The following SUSD5 variants were observed in gnomAD, a reference collection of about 807,000 sequenced individuals.
SUSD5 encodes the protein sushi domain containing 5.
A neutral mutation model predicts 29.5 loss-of-function variants in SUSD5; 33 were observed. The observed-to-expected ratio is 1.12, with a 90% confidence interval of 0.85 to 1.49. The LOEUF is 1.49. SUSD5 is among the 40% of genes most tolerant of loss of function. SUSD5 has a pLI of 0.00. For missense variants in SUSD5, 776 were observed against 800.6 expected, an observed-to-expected ratio of 0.97 and a Z score of 0.37; for synonymous variants, 308 against 325.3, an observed-to-expected ratio of 0.95 and a Z score of 0.57.
chr3:33,159,549 A>T (rs6806388), intron 4 of SUSD5, among the ~76,000 whole-genome samples: 48,167 of 151,994 alleles, frequency 0.32, 8,950 homozygotes, highest in East Asian at 0.5. Flanking sequence ...CCAGACCACT[A>T]GAATATGTAC....
At chr3:33,154,448 G>A (rs909810900) in intron 4 of SUSD5, among the ~76,000 whole-genome samples, 3 of 152,128 alleles carry the variant, frequency 2.0e-5, no homozygotes. Context: ...GCTTGAACCC[G>A]GAAGGCGGAC....
At position 33,152,035 on chromosome 3, in the gene SUSD5, A is replaced by T. The variant is rs2030909413; in HGVS notation, c.*707T>A. ...CATATTCCTCTCCCAATAATTCAAT[A>T]TCCATGTCCTAGATAATACTGCTCT... On this transcript the variant is annotated 3_prime_UTR_variant, in exon 5 of 5. Coordinates refer to ENST00000309558, the MANE Select transcript of SUSD5 (RefSeq NM_015551.2). 1 of 152,220 alleles carries T rather than the reference A, an allele frequency of 6.6e-6. No individual in the cohort carries two copies. Among genetic ancestry groups the T allele is most frequent in the Admixed American group, 6.5e-5 (1 of 15,282 alleles). The allele number at this position is 152,220 out of a possible 1,614,324, so 9.4% of individuals were successfully genotyped here.
intron 2 of SUSD5, among the ~76,000 whole-genome samples, chr3:33,208,999 T>C (rs1228049215): frequency 6.6e-6 from 1 of 152,244 alleles, no homozygotes; most frequent in African/African-American, 2.4e-5. Flanking sequence ...AAGTGCAGAC[T>C]GGATGTAATG....
At chr3:33,210,059 C>T (rs1295892717) in intron 2 of SUSD5, among the ~76,000 whole-genome samples, 1 of 152,170 alleles carries the variant, frequency 6.6e-6, no homozygotes, top group African/African-American at 2.4e-5. Context: ...ATTCTACTTG[C>T]CTTGTCTCCT....
chr3:33,170,098 T>G (rs1028217056), intron 4 of SUSD5, among the ~76,000 whole-genome samples: 2 of 152,070 alleles, frequency 1.3e-5, no homozygotes, highest in South Asian at 4.2e-4. Flanking sequence ...TTTGTATTTT[T>G]AGTAGAGATG....
intron 3 of SUSD5, among the ~76,000 whole-genome samples, chr3:33,187,166 A>G (rs1053541069): frequency 3.9e-5 from 6 of 152,324 alleles, no homozygotes; most frequent in Admixed American, 3.9e-4. Context: ...AGCAAACACT[A>G]TGAAAGGACT....
intron 4 of SUSD5, among the ~76,000 whole-genome samples, chr3:33,160,765 A>G (rs1229629380): frequency 6.6e-6 from 1 of 151,592 alleles, no homozygotes; most frequent in Non-Finnish European, 1.5e-5. Flanking sequence ...GAAACTTCAA[A>G]GAACAGAGCA....
At chr3:33,200,093 T>A (rs1027546748) in intron 3 of SUSD5, among the ~76,000 whole-genome samples, 5 of 152,170 alleles carry the variant, frequency 3.3e-5, no homozygotes, top group Admixed American at 6.5e-5. Context: ...GCAAGACAGA[T>A]CATGAGGGTA....
At chr3:33,155,602 G>A (rs1025951640) in intron 4 of SUSD5, among the ~76,000 whole-genome samples, 2 of 152,104 alleles carry the variant, frequency 1.3e-5, no homozygotes, top group Non-Finnish European at 2.9e-5. Context: ...CAAAAGACAC[G>A]CCTAAGAATG....
At chr3:33,179,467 G>A (rs1321850485) in intron 3 of SUSD5, among the ~76,000 whole-genome samples, 1 of 152,144 alleles carries the variant, frequency 6.6e-6, no homozygotes, top group Non-Finnish European at 1.5e-5. Flanking sequence ...AGCAAGGTTT[G>A]TTTGTTGAGC....
At chr3:33,161,445 C>G (rs141305743) in intron 4 of SUSD5, among the ~76,000 whole-genome samples, 1 of 151,528 alleles carries the variant, frequency 6.6e-6, no homozygotes, top group East Asian at 1.9e-4. Context: ...CGAAAGAAGG[C>G]AGGAAAGCAG....
At chr3:33,181,395 G>A (rs999690198) in intron 3 of SUSD5, among the ~76,000 whole-genome samples, 3 of 148,054 alleles carry the variant, frequency 2.0e-5, no homozygotes, top group African/African-American at 7.7e-5. Context: ...TTTTGTTTTG[G>A]GGGTGGGGAG....
chr3:33,218,809 G>A lies in SUSD5; in HGVS notation c.-12C>T. 7.0e-7 allele frequency: 1 copy of A among 1,437,760 alleles called. No homozygotes were observed. The highest frequency in any genetic ancestry group is 9.1e-7 in the Non-Finnish European group (1 of 1,100,796). The allele number at this position is 1,437,760 out of a possible 1,614,324, so 89.1% of individuals were successfully genotyped here. A position where few individuals can be genotyped will look rare whatever the true frequency, so the allele number is the denominator to read the frequency against. On this transcript the variant is annotated 5_prime_UTR_variant, in exon 1 of 5. Coordinates refer to ENST00000309558, the MANE Select transcript of SUSD5 (RefSeq NM_015551.2). ...CCCTCGGCAGTCATGGTCCGGGAGT[G>A]CGCGGGCCAGCGGACTCGGGTGAGG... is the stretch of plus-strand genomic sequence containing the variant.
chr3:33,185,834 C>A (rs904768928), intron 3 of SUSD5, among the ~76,000 whole-genome samples: 9 of 152,126 alleles, frequency 5.9e-5, no homozygotes, highest in Non-Finnish European at 1.2e-4. Flanking sequence ...TCCAACTTTT[C>A]ATGATTATAA....
chr3:33,180,088 A>T (rs973209945), intron 3 of SUSD5, among the ~76,000 whole-genome samples: 3 of 152,256 alleles, frequency 2.0e-5, no homozygotes, highest in Non-Finnish European at 4.4e-5. Context: ...TATATTTACC[A>T]TACTATACTT....
rs185513113 is a variant in SUSD5, at chr3:33,169,049, T to G, written c.598+5837A>C. On this transcript the variant is annotated intron_variant, in intron 4 of 4. Coordinates refer to ENST00000309558, the MANE Select transcript of SUSD5 (RefSeq NM_015551.2). The stretch of plus-strand genomic sequence containing the variant: ...TACCTCAGTGTTCCCATCTATAAAT[T>G]GGTACTCGACATTTCTACGGAATTC... Among the ~76,000 whole-genome samples, 3 of 150,220 alleles carry G rather than the reference T, an allele frequency of 2.0e-5. No homozygotes were observed. The East Asian group carries it at 6.0e-4, about 30-fold the overall frequency.
intron 3 of SUSD5, among the ~76,000 whole-genome samples, chr3:33,185,821 G>T (rs1300080020): frequency 6.6e-6 from 1 of 151,842 alleles, no homozygotes; most frequent in Non-Finnish European, 1.5e-5. Flanking sequence ...TATTTATGTT[G>T]GTTCCAACTT....
chr3:33,174,150 G>A (rs769927545), intron 4 of SUSD5, among the ~76,000 whole-genome samples: 4 of 152,158 alleles, frequency 2.6e-5, no homozygotes, highest in Non-Finnish European at 4.4e-5. Flanking sequence ...CATTCAGAAG[G>A]CTCCAGGCCA....
At chr3:33,201,078 T>C (rs139133168) in intron 3 of SUSD5, among the ~76,000 whole-genome samples, 8 of 152,324 alleles carry the variant, frequency 5.3e-5, no homozygotes, top group Non-Finnish European at 8.8e-5. Flanking sequence ...AAGAACAGCA[T>C]AAAGGCCCTT....
Sources: allele counts gnomAD v4.1 joint callset (sites outside exome capture counted in the v4.1 genomes callset), GRCh38; gene constraint gnomAD v4.1.1; transcripts MANE v1.5; gene names NCBI Gene and HGNC (gene_info 2026-07-23, HGNC 2026-07-21).